DOCK1: variants seen among roughly 807,000 people sequenced by gnomAD.
DOCK1 encodes dedicator of cytokinesis 1.
Under a neutral mutation model 262.7 loss-of-function variants are expected in DOCK1, and 138 were observed. That is an observed-to-expected ratio of 0.53 (90% CI 0.46 to 0.61). The LOEUF (loss-of-function observed/expected upper bound fraction) is 0.61, where lower values mean the gene tolerates loss of function less well. Ranked by LOEUF, DOCK1 falls within the 20% of genes least tolerant of loss-of-function variation. DOCK1 has a pLI of 0.00. For synonymous variants in DOCK1, 866 were observed against 867.4 expected (o/e 1.00, Z 0.03); for missense variants, 1,908 against 2,370.7 (o/e 0.80, Z 4.05).
intron 28 of DOCK1, among the ~76,000 whole-genome samples, chr10:127,251,490 C>A (rs1259324783): frequency 1.3e-5 from 2 of 150,930 alleles, no homozygotes; most frequent in Non-Finnish European, 3.0e-5. Context: ...AATAACTCGT[C>A]ATTTAGAATT....
rs1020609754 is a variant in DOCK1, at chr10:126,941,549, G to A, written c.47-29153G>A. On this transcript the variant is annotated intron_variant, in intron 1 of 51. Coordinates refer to ENST00000623213, the MANE Select transcript of DOCK1 (RefSeq NM_001290223.2). ...AGGCGGGCGGATCACGAGGTCAGGAGATCGAGACCATCCTGGCTAACACGG... is the reference window on the plus strand; with the variant it reads ...AGGCGGGCGGATCACGAGGTCAGGAAATCGAGACCATCCTGGCTAACACGG... Among the ~76,000 whole-genome samples, 21 of 152,292 alleles carry A rather than the reference G, an allele frequency of 1.4e-4. 1 individual carries two copies. Among genetic ancestry groups the A allele is most frequent in the South Asian group, 4.1e-4 (2 of 4,824 alleles).
At chr10:127,433,059 G>A (rs537717234) in intron 47 of DOCK1, among the ~76,000 whole-genome samples, 1 of 152,316 alleles carries the variant, frequency 6.6e-6, no homozygotes, top group Admixed American at 6.5e-5. Context: ...AAAAGGCTAA[G>A]AAGGTTCCTT....
At chr10:127,090,706 C>T (rs969953008) in intron 23 of DOCK1, among the ~76,000 whole-genome samples, 14 of 152,128 alleles carry the variant, frequency 9.2e-5, no homozygotes, top group African/African-American at 1.2e-4. Flanking sequence ...TCTGTCTCTA[C>T]GATTAGCTTC....
chr10:127,195,369 G>A (rs866958884), intron 27 of DOCK1, among the ~76,000 whole-genome samples: 1 of 152,146 alleles, frequency 6.6e-6, no homozygotes, highest in East Asian at 1.9e-4. Flanking sequence ...GCCAGGCACC[G>A]GGAAGCCCCG....
intron 46 of DOCK1, among the ~76,000 whole-genome samples, chr10:127,424,844 T>A (rs1032858374): frequency 1.3e-5 from 2 of 152,190 alleles, no homozygotes; most frequent in African/African-American, 4.8e-5. Flanking sequence ...AACTTTTGTG[T>A]CGGTGCAGCC....
intron 23 of DOCK1, among the ~76,000 whole-genome samples, chr10:127,093,631 G>A (rs536038966): frequency 2.0e-5 from 3 of 152,042 alleles, no homozygotes; most frequent in Admixed American, 1.3e-4. Flanking sequence ...TGGGATTACA[G>A]GTGTGAGCCA....
intron 1 of DOCK1, among the ~76,000 whole-genome samples, chr10:126,929,792 AT>A (rs1429790119): frequency 5.3e-5 from 8 of 152,292 alleles, no homozygotes; most frequent in African/African-American, 1.9e-4. Flanking sequence ...CAGTTGCATG[AT>A]TTAAAAACAA....
At chr10:127,322,732 A>G (rs998127344) in intron 29 of DOCK1, among the ~76,000 whole-genome samples, 2 of 152,252 alleles carry the variant, frequency 1.3e-5, no homozygotes, top group Non-Finnish European at 2.9e-5. Flanking sequence ...CACTTTTTGT[A>G]TTGTCAGTGG....
chr10:127,060,311 G>A (rs534373736), intron 22 of DOCK1, among the ~76,000 whole-genome samples: 3 of 152,190 alleles, frequency 2.0e-5, no homozygotes, highest in Non-Finnish European at 4.4e-5. Flanking sequence ...GCAAGCAGAA[G>A]TTCATGATTC....
At chr10:127,329,501 TGAGCAGACACTGGGGTGCTGGGGC>T (rs1238654344) in intron 29 of DOCK1, among the ~76,000 whole-genome samples, 10 of 143,508 alleles carry the variant, frequency 7.0e-5, no homozygotes, top group East Asian at 4.1e-4. Flanking sequence ...GTCTCTGGGG[TGAGCAGACACTGGGGTGCTGGGGC>T]GAGCAGACAC....
chr10:126,964,400 G>T (rs2037505217), intron 1 of DOCK1, among the ~76,000 whole-genome samples: 1 of 152,188 alleles, frequency 6.6e-6, no homozygotes, highest in Non-Finnish European at 1.5e-5. Context: ...AACGTGTAGG[G>T]TGTGTGAAGT....
rs1405941293 is a variant in DOCK1 at position 127,384,907 on chromosome 10, A to G, written c.3925A>G (p.Lys1309Glu). The change falls in exon 38 of 52, where the codon AAG (lysine) becomes GAG (glutamate). Residue 1309 changes from lysine (K) to glutamate (E), a missense_variant and splice_region_variant. Transcript: ENST00000623213. ...QEIIHYFDKG[K>E]MWEEAIALGK... ...AATCATCCACTACTTCGACAAAGGC[A>G]AGGTAAAACACAAAAAGCAATTGTC... 1.9e-6 allele frequency: 3 copies of G among 1,594,964 alleles called. No individual in the cohort carries two copies. The highest frequency in any genetic ancestry group is 2.6e-6 in the Non-Finnish European group (3 of 1,173,240).
At chr10:127,045,065 G>T (rs892454207) in intron 21 of DOCK1, among the ~76,000 whole-genome samples, 4 of 151,922 alleles carry the variant, frequency 2.6e-5, no homozygotes, top group South Asian at 4.2e-4. Context: ...GCGCGTGGTG[G>T]CACGTGCCTG....
At chr10:127,039,536 G>A (rs139862198) in intron 19 of DOCK1, among the ~76,000 whole-genome samples, 5 of 152,138 alleles carry the variant, frequency 3.3e-5, no homozygotes, top group Middle Eastern at 3.4e-3. Flanking sequence ...GTGCGTGCTG[G>A]TACCACGCAA....
chr10:127,168,472 A>G (rs1399251983), intron 27 of DOCK1, among the ~76,000 whole-genome samples: 1 of 152,224 alleles, frequency 6.6e-6, no homozygotes, highest in Non-Finnish European at 1.5e-5. Flanking sequence ...TCTGTGATGC[A>G]TCTGGCCAGA....
At chr10:127,192,546 T>C (rs1311940362) in intron 27 of DOCK1, 1 of 152,192 alleles carries the variant, frequency 6.6e-6, no homozygotes, top group Non-Finnish European at 1.5e-5. Context: ...TTCATTATGG[T>C]TTGAATAATG....
At chr10:126,915,486 T>G (rs2134049513) in intron 1 of DOCK1, among the ~76,000 whole-genome samples, 1 of 152,230 alleles carries the variant, frequency 6.6e-6, no homozygotes, top group Non-Finnish European at 1.5e-5. Context: ...GGGCACAATC[T>G]TGGCCCACTG....
chr10:127,271,806 T>A (rs560624409), intron 29 of DOCK1, among the ~76,000 whole-genome samples: 11 of 152,248 alleles, frequency 7.2e-5, no homozygotes, highest in Non-Finnish European at 1.5e-4. Flanking sequence ...GAAATACTTT[T>A]GTAGCAGTTC....
intron 16 of DOCK1, among the ~76,000 whole-genome samples, chr10:127,031,359 T>C (rs2043228123): frequency 2.0e-5 from 3 of 152,210 alleles, no homozygotes; most frequent in African/African-American, 7.2e-5. Context: ...TTCTTGGCCC[T>C]TTATCCTGGA....
Sources: gnomAD v4.1 joint callset for allele counts (sites outside exome capture counted in the v4.1 genomes callset) on GRCh38, gnomAD v4.1.1 for gene constraint, MANE v1.5 for transcripts, NCBI Gene and HGNC (gene_info 2026-07-23, HGNC 2026-07-21) for gene names.